Variants in HIVEP1 observed in about 807,000 individuals in gnomAD.
HIVEP1 encodes zinc finger protein 40.
HIVEP1 carries 36 observed loss-of-function variants against 180.0 expected under a neutral mutation model. That is an observed-to-expected ratio of 0.20 (90% CI 0.15 to 0.26). The LOEUF (loss-of-function observed/expected upper bound fraction) is 0.26, where lower values mean the gene tolerates loss of function less well. Ranked by LOEUF, HIVEP1 falls within the 10% of genes least tolerant of loss-of-function variation. The probability of loss-of-function intolerance (pLI) is 1.00; values close to 1 mark genes in which losing one functional copy is unlikely to be tolerated. For missense variants in HIVEP1, 3,143 were observed against 3,268.7 expected (o/e 0.96, Z 0.94); for synonymous variants, 1,239 against 1,239.0 (o/e 1.00, Z 0.00).
chr6:12,206,811 G>A, the HIVEP1 span, among the ~76,000 whole-genome samples: 1 of 152,040 alleles, frequency 6.6e-6, no homozygotes, highest in African/African-American at 2.4e-5. Context: ...CCTTCCCTAG[G>A]GAAGGCAGCT....
At chr6:12,022,382 G>C (rs1768293021) in intron 2 of HIVEP1, among the ~76,000 whole-genome samples, 1 of 152,002 alleles carries the variant, frequency 6.6e-6, no homozygotes, top group Admixed American at 6.6e-5. Context: ...ATTTTGGCCA[G>C]GCTGGTCTTG....
At position 12,121,912 on chromosome 6, in the gene HIVEP1, G is replaced by C; in HGVS notation, c.2117G>C (p.Ser706Thr). 1.2e-6 allele frequency: 2 copies of C among 1,614,174 alleles called. No homozygotes were observed. The highest frequency in any genetic ancestry group is 1.3e-5 in the African/African-American group (1 of 75,060). The part of the protein sequence containing the change: ...LPSTEQDSGR[S>T]NGPSAALVTT... ...AGCACAGAACAAGACTCTGGAAGGAGTAACGGACCCTCTGCAGCTCTTGTC... is the reference window on the plus strand; with the variant it reads ...AGCACAGAACAAGACTCTGGAAGGACTAACGGACCCTCTGCAGCTCTTGTC... The change falls in exon 4 of 9, where the codon AGT becomes ACT. Residue 706 changes from serine (S) to threonine (T), a missense_variant. This residue lies in a region of HIVEP1 where 365 missense variants were observed against 344.4 expected (regional missense o/e 1.06). Coordinates refer to ENST00000379388, the MANE Select transcript of HIVEP1 (RefSeq NM_002114.4). This position sits in a 1 kb window ranked among gnomAD's most constrained non-coding sequence, Gnocchi z 5.3.
chr6:12,168,697 C>T (rs533260948), downstream of HIVEP1, among the ~76,000 whole-genome samples: 5 of 151,990 alleles, frequency 3.3e-5, no homozygotes, highest in South Asian at 4.1e-4. Flanking sequence ...CAGCCAGCTA[C>T]GTGATTGTAA....
intron 1 of HIVEP1, 131 bp downstream of exon 1, chr6:12,012,697 T>C (rs1333530253): frequency 4.1e-5 from 6 of 147,022 alleles, no homozygotes; most frequent in East Asian, 2.1e-4. Context: ...TGTGTGTGCG[T>C]GTGTGTGCAA....
chr6:12,210,147 A>T, the HIVEP1 span, among the ~76,000 whole-genome samples: 2 of 152,100 alleles, frequency 1.3e-5, no homozygotes, highest in Admixed American at 1.3e-4. Context: ...GTGAACTAGT[A>T]TTTACTAGTT....
intron 2 of HIVEP1, among the ~76,000 whole-genome samples, chr6:12,050,968 G>T (rs1265303536): frequency 2.4e-5 from 3 of 124,906 alleles, no homozygotes; most frequent in African/African-American, 5.8e-5. Flanking sequence ...TTCAGTGGAC[G>T]CTGAGTGCAT....
chr6:12,182,771 G>A, the HIVEP1 span, among the ~76,000 whole-genome samples: 2 of 152,152 alleles, frequency 1.3e-5, no homozygotes, highest in South Asian at 4.2e-4. Context: ...GATCCAGTGA[G>A]GAAATGTGTA....
At chr6:12,016,481 C>T (rs765860598) in intron 2 of HIVEP1, among the ~76,000 whole-genome samples, 5 of 152,060 alleles carry the variant, frequency 3.3e-5, no homozygotes, top group Admixed American at 6.5e-5. Context: ...AATTCTGAAG[C>T]GTATGTAGGG....
Position 12,129,830 on chromosome 6 carries a change from G to C in HIVEP1, c.6147G>C (p.Glu2049Asp), listed in dbSNP as rs534017762. 1 of 1,583,738 alleles carries C rather than the reference G, an allele frequency of 6.3e-7. No individual in the cohort carries two copies. Among genetic ancestry groups the C allele is most frequent in the East Asian group, 2.2e-5 (1 of 44,606 alleles). The change falls in exon 5 of 9, where the codon GAG becomes GAC. Residue 2049 changes from glutamate (E) to aspartate (D), a missense_variant. Physicochemically the swap from Glu to Asp is conservative, Grantham distance 45. Coordinates refer to ENST00000379388, the MANE Select transcript of HIVEP1 (RefSeq NM_002114.4). Reference protein sequence around the residue: ...SNKDASEINSEQDKENSLIKS... With the variant: ...SNKDASEINSDQDKENSLIKS... ...AAGATGCCTCTGAAATTAACAGTGA[G>C]CAAGATAAAGAAAATTCCTTAATCA...
chr6:12,078,105 A>G (rs1772488851), intron 2 of HIVEP1, among the ~76,000 whole-genome samples: 1 of 152,232 alleles, frequency 6.6e-6, no homozygotes, highest in Non-Finnish European at 1.5e-5. Flanking sequence ...AGTTGTGAAT[A>G]GTGACTGTAG....
At position 12,120,957 on chromosome 6, in the gene HIVEP1, G is replaced by C. The variant is rs1173179708; in HGVS notation, c.1162G>C (p.Glu388Gln). The change falls in exon 4 of 9, where the codon GAG (glutamate) becomes CAG (glutamine). Residue 388 changes from glutamate (E) to glutamine (Q), a missense_variant. By Grantham distance (29) the Glu-to-Gln change is conservative (BLOSUM62 2). Around this residue, in one of 12 missense-constraint regions of HIVEP1, gnomAD observed 306 missense variants for 310.6 expected, o/e 0.99. Coordinates refer to ENST00000379388, the MANE Select transcript of HIVEP1 (RefSeq NM_002114.4). ...HVASVVNQSV[E>Q]QMCNLLLKDQ... Reference sequence around the variant, plus strand: ...TGCCTCTGTTGTTAATCAAAGCGTAGAGCAAATGTGCAATCTTCTTCTGAA... The same window carrying C: ...TGCCTCTGTTGTTAATCAAAGCGTACAGCAAATGTGCAATCTTCTTCTGAA... The C allele has an allele frequency of 3.7e-6, 6 of 1,614,082 alleles. No individual in the cohort carries two copies. The South Asian group carries it at 4.4e-5, about 12-fold the overall frequency.
intron 7 of HIVEP1, among the ~76,000 whole-genome samples, chr6:12,146,831 G>T: frequency 6.6e-6 from 1 of 151,164 alleles, no homozygotes; most frequent in South Asian, 2.1e-4. Context: ...AATTACTATC[G>T]CCCAGGAGCT....
At chr6:12,167,681 TGTATAA>T (rs1203250000), downstream of HIVEP1, among the ~76,000 whole-genome samples, 948 of 67,660 alleles carry the variant, frequency 0.014, 20 homozygotes, top group Non-Finnish European at 0.023. Flanking sequence ...TACATATATG[TGTATAA>T]TATATATACA....
chr6:12,154,054 A>C (rs1759868820), intron 7 of HIVEP1, among the ~76,000 whole-genome samples: 1 of 152,210 alleles, frequency 6.6e-6, no homozygotes, highest in Admixed American at 6.5e-5. Context: ...AGGCTGAGGC[A>C]AGAGAATCAG....
upstream of HIVEP1, among the ~76,000 whole-genome samples, chr6:12,011,377 A>G (rs1459873144): frequency 6.7e-6 from 1 of 149,112 alleles, no homozygotes; most frequent in Non-Finnish European, 1.5e-5. Flanking sequence ...TAGAAAGTAA[A>G]GAGACGGTAA....
chr6:12,164,459 T>G lies in HIVEP1; in HGVS notation c.8155T>G (p.Ter2719GlyextTer12). 1 of 1,574,600 alleles carries G rather than the reference T, an allele frequency of 6.4e-7. No homozygotes were observed. The highest frequency in any genetic ancestry group is 1.4e-5 in the African/African-American group (1 of 72,628). Residue 2719 changes from the stop codon to glycine (G), a stop_lost, in exon 9 of 9, where the codon TGA (stop) becomes GGA (glycine). Coordinates refer to ENST00000379388, the MANE Select transcript of HIVEP1 (RefSeq NM_002114.4). ...CGAGGACAGGCTTGTGATAGCAACC[T>G]GATGGATTTTATTTTTTATTTGCTT... ...DDEDRLVIAT* is the reference protein window; with the variant it reads ...DDEDRLVIATG
At chr6:12,112,219 A>C (rs915939249) in intron 3 of HIVEP1, among the ~76,000 whole-genome samples, 9 of 152,042 alleles carry the variant, frequency 5.9e-5, no homozygotes, top group Non-Finnish European at 1.2e-4. Flanking sequence ...AGTAGTGTAA[A>C]AATATCACAC....
At chr6:12,140,137 C>T (rs982787050) in intron 7 of HIVEP1, among the ~76,000 whole-genome samples, 1 of 152,152 alleles carries the variant, frequency 6.6e-6, no homozygotes, top group Non-Finnish European at 1.5e-5. Flanking sequence ...GCGAAGCTTC[C>T]AGAGGAAGGA....
the HIVEP1 span, among the ~76,000 whole-genome samples, chr6:12,179,834 G>T: frequency 2.0e-5 from 3 of 151,748 alleles, no homozygotes; most frequent in South Asian, 6.2e-4. Flanking sequence ...ATAATGTTTT[G>T]TTTATTTATT....
Sources: allele counts gnomAD v4.1 joint callset (sites outside exome capture counted in the v4.1 genomes callset), GRCh38; gene constraint gnomAD v4.1.1; regional missense constraint gnomAD v4.1.1; non-coding constraint Gnocchi (gnomAD v3.1); transcripts MANE v1.5; gene names NCBI Gene and HGNC (gene_info 2026-07-23, HGNC 2026-07-21).